The following COL6A1 variants were observed in gnomAD, a reference collection of about 807,000 sequenced individuals.
COL6A1 encodes collagen alpha-1(VI) chain.
A neutral mutation model predicts 145.6 loss-of-function variants in COL6A1; 80 were observed. The ratio of observed to expected loss-of-function variants is 0.55; its 90% CI spans 0.46 to 0.66. COL6A1 has a LOEUF of 0.66. Among genes scored for constraint, COL6A1 ranks in the 30% least tolerant of loss-of-function variants. The pLI is 0.00. For missense variants in COL6A1, 1,364 were observed against 1,473.8 expected (o/e 0.93, Z 1.22); for synonymous variants, 638 against 622.8 (o/e 1.02, Z -0.36).
In COL6A1 at chr21:45,994,775, C is replaced by A. The variant is rs1178022283; in HGVS notation, c.1398+546C>A. ...GTCTCTTCCCCCATTCTGATGACTGCCATGATGGTGGCTCCAGTGTGGTGT... is the reference window on the plus strand; with the variant it reads ...GTCTCTTCCCCCATTCTGATGACTGACATGATGGTGGCTCCAGTGTGGTGT... On this transcript the variant is annotated intron_variant, in intron 20 of 34. Coordinates refer to ENST00000361866, the MANE Select transcript of COL6A1 (RefSeq NM_001848.3). This position sits in a 1 kb window ranked among gnomAD's most constrained non-coding sequence, Gnocchi z 6.8. Among the ~76,000 whole-genome samples the A allele has an allele frequency of 6.6e-6, 1 of 152,238 alleles. No individual in the cohort carries two copies.
Position 45,992,790 on chromosome 21 carries a change from C to G in COL6A1, c.1315C>G (p.Arg439Gly). ...ERGPRGTPGT[R>G]GPRGDPGEAG... Reference sequence around the variant, plus strand: ...AGGACCACGGGGGACCCCAGGCACGCGGGGACCAAGAGGAGACCCTGTGAG... The same window carrying G: ...AGGACCACGGGGGACCCCAGGCACGGGGGGACCAAGAGGAGACCCTGTGAG... Residue 439 changes from arginine to glycine, a missense_variant, in exon 19 of 35, where the codon CGG becomes GGG. Arg to Gly is a moderately radical substitution (Grantham distance 125). Coordinates refer to ENST00000361866, the MANE Select transcript of COL6A1 (RefSeq NM_001848.3). 6.2e-7 allele frequency: 1 copy of G among 1,601,072 alleles called. No individual in the cohort carries two copies. Among genetic ancestry groups the G allele is most frequent in the Non-Finnish European group, 8.5e-7 (1 of 1,174,554 alleles).
intron 24 of COL6A1, 151 bp downstream of exon 24, chr21:45,998,584 C>G (rs900330145): frequency 9.7e-6 from 11 of 1,129,612 alleles, no homozygotes; most frequent in Non-Finnish European, 1.4e-5. Flanking sequence ...TCTGTGGCCA[C>G]AGCCCCAGTT....
At chr21:45,986,725 G>T in intron 4 of COL6A1, 40 bp downstream of exon 4, 1 of 1,538,292 alleles carries the variant, frequency 6.5e-7, no homozygotes, top group Non-Finnish European at 8.7e-7. Flanking sequence ...CCCAACCACA[G>T]GGAGTGGCGG....
chr21:45,992,287 G>T (rs2077781281), intron 17 of COL6A1, 70 bp downstream of exon 17: 1 of 1,613,548 alleles, frequency 6.2e-7, no homozygotes, highest in Non-Finnish European at 8.5e-7. Flanking sequence ...TTTGCTCGGG[G>T]TCTACTCCAC....
intron 19 of COL6A1, among the ~76,000 whole-genome samples, chr21:45,993,396 C>T (rs1260105144): frequency 1.3e-5 from 2 of 152,196 alleles, no homozygotes; most frequent in East Asian, 1.9e-4. Context: ...AGACTCCGGG[C>T]GTCTCAGTCC....
rs146191538 is a variant in COL6A1, at chr21:46,003,693, G to A, written c.2767G>A (p.Val923Met). The A allele has an allele frequency of 1.1e-5, 17 of 1,612,988 alleles. No homozygotes were observed. Among genetic ancestry groups the A allele is most frequent in the Non-Finnish European group, 1.1e-5 (13 of 1,179,960 alleles). The stretch of plus-strand genomic sequence containing the variant: ...CGACGTCAACGATGCCCTGGGCTAT[G>A]TGACCCGCTTCTACCGCGAGGCCTC... Reference protein sequence around the residue: ...ATDVNDALGYVTRFYREASSG... With the variant: ...ATDVNDALGYMTRFYREASSG... The change falls in exon 35 of 35, where the codon GTG becomes ATG. Residue 923 changes from valine (V) to methionine (M), a missense_variant. Physicochemically the swap from Val to Met is conservative, Grantham distance 21. Transcript: ENST00000361866.
Position 45,992,235 on chromosome 21 carries a change from A to G in COL6A1, c.1236+18A>G, listed in dbSNP as rs774725614. The G allele has an allele frequency of 1.2e-6, 2 of 1,613,582 alleles. No individual in the cohort carries two copies. The highest frequency in any genetic ancestry group is 1.1e-5 in the South Asian group (1 of 91,058). On this transcript the variant is annotated intron_variant, in intron 17 of 34. Coordinates refer to ENST00000361866, the MANE Select transcript of COL6A1 (RefSeq NM_001848.3). The stretch of plus-strand genomic sequence containing the variant: ...GCGACGAGGTGAGTGAGGGCTCCTG[A>G]CACCTTCCTGGGGAAGTGCATGGCC...
chr21:45,997,565 C>T (rs1160651906), intron 21 of COL6A1, 82 bp downstream of exon 21: 9 of 1,554,370 alleles, frequency 5.8e-6, no homozygotes, highest in Middle Eastern at 1.7e-4. Context: ...GTGCTGGCCC[C>T]GTGCCCTCTG....
intron 3 of COL6A1, 78 bp downstream of exon 3, chr21:45,984,547 C>G: frequency 7.1e-7 from 1 of 1,408,578 alleles, no homozygotes; most frequent in Non-Finnish European, 9.9e-7. Flanking sequence ...GCCTGGGGTC[C>G]CTGTGCGGCT....
intron 2 of COL6A1, among the ~76,000 whole-genome samples, 199 bp downstream of exon 2, chr21:45,982,962 G>A (rs577500874): frequency 6.6e-5 from 10 of 152,218 alleles, no homozygotes; most frequent in Non-Finnish European, 1.3e-4. Context: ...GCTGGTCTGA[G>A]CCTCTCCCAG....
At position 45,999,374 on chromosome 21, in the gene COL6A1, C is replaced by T. The variant is rs578072539; in HGVS notation, c.1740+156C>T. ...GGGAGGCCCTGGGGGTGGGAGGTGC[C>T]GGTCACCAGGGCCAGGTGGTGGCCA... On this transcript the variant is annotated intron_variant, in intron 26 of 34. Transcript: ENST00000361866. 4.9e-3 allele frequency: 4,014 copies of T among 825,598 alleles called. 27 individuals carry two copies. Among genetic ancestry groups the T allele is most frequent in the Middle Eastern group, 0.018 (51 of 2,864 alleles). The allele number at this position is 825,598 out of a possible 1,614,324, so 51.1% of individuals were successfully genotyped here.
In COL6A1 at chr21:46,002,260, G is replaced by A. The variant is rs760649238; in HGVS notation, c.2109G>A (p.Thr703=). The A allele has an allele frequency of 1.5e-5, 24 of 1,602,036 alleles. No individual in the cohort carries two copies. The highest frequency in any genetic ancestry group is 3.4e-4 in the Middle Eastern group (2 of 5,970). Residue 703 remains threonine, a synonymous_variant, in exon 32 of 35, where the codon ACG becomes ACA. Transcript: ENST00000361866. Reference sequence around the variant, plus strand: ...AGTGGATGGCGGGCGGCACCTTCACGGGGGAGGCCCTGCAGTACACGCGGG... The same window carrying A: ...AGTGGATGGCGGGCGGCACCTTCACAGGGGAGGCCCTGCAGTACACGCGGG... ...SLQWMAGGTF[T]GEALQYTRDQ... is the part of the protein sequence containing the mutation.
chr21:46,003,825 A>G lies in COL6A1; in HGVS notation c.2899A>G (p.Ile967Val), dbSNP rs777671647. The G allele has an allele frequency of 2.4e-5, 38 of 1,604,694 alleles. No individual in the cohort carries two copies. In the African/African-American group the frequency reaches 3.9e-4, roughly 16 times the overall value. ...KAVQEAQRAG[I>V]EIFVVVVGRQ... ...CGTGCAGGAAGCCCAGCGGGCAGGC[A>G]TCGAGATCTTCGTGGTGGTCGTGGG... Residue 967 changes from isoleucine (I) to valine (V), a missense_variant, in exon 35 of 35, where the codon ATC becomes GTC. By Grantham distance (29) the Ile-to-Val change is conservative. This residue lies in a region of COL6A1 where 938 missense variants were observed against 1,003.8 expected (regional missense o/e 0.93). Transcript: ENST00000361866.
At position 45,987,630 on chromosome 21, in the gene COL6A1, G is replaced by T. The variant is rs143396975; in HGVS notation, c.780G>T (p.Gly260=). 1 of 1,611,158 alleles carries T rather than the reference G, an allele frequency of 6.2e-7. No homozygotes were observed. The highest frequency in any genetic ancestry group is 1.1e-5 in the South Asian group (1 of 90,972). The part of the protein sequence containing the change: ...FECQPARGPP[G]LRGDPGFEGE... ...TGCAGCCTGCAAGAGGACCTCCGGG[G>T]CTCCGGGGCGACCCCGGCTTTGAGG... The change falls in exon 8 of 35, where the codon GGG becomes GGT. Residue 260 remains glycine (G), a synonymous_variant. Coordinates refer to ENST00000361866, the MANE Select transcript of COL6A1 (RefSeq NM_001848.3).
In COL6A1 at chr21:45,987,630, G is replaced by A. The variant is rs143396975; in HGVS notation, c.780G>A (p.Gly260=). ...TGCAGCCTGCAAGAGGACCTCCGGG[G>A]CTCCGGGGCGACCCCGGCTTTGAGG... ...FECQPARGPP[G]LRGDPGFEGE... is the part of the protein sequence containing the mutation. Residue 260 remains glycine, a synonymous_variant, in exon 8 of 35, where the codon GGG becomes GGA. Transcript: ENST00000361866. 208 of 1,611,040 alleles carry A rather than the reference G, an allele frequency of 1.3e-4. No individual in the cohort carries two copies. The highest frequency in any genetic ancestry group is 1.6e-4 in the Non-Finnish European group (191 of 1,179,404).
Position 45,987,337 on chromosome 21 carries a change from CGTGTCCACCTGT to C in COL6A1, c.739-156_739-145del. The C allele has an allele frequency of 2.7e-6, 4 of 1,455,362 alleles. No individual in the cohort carries two copies. In the South Asian group the frequency reaches 3.4e-5, roughly 12 times the overall value. The allele number at this position is 1,455,362 out of a possible 1,614,324, so 90.2% of individuals were successfully genotyped here. ...TGTGCCCGGGATGTGTGTCCCCCTG[CGTGTCCACCTGT>C]GTGTCTGCCCATGTGCCTGGGACAT... On this transcript the variant is annotated intron_variant, in intron 6 of 34. Transcript: ENST00000361866.
Position 45,999,151 on chromosome 21 carries a change from A to C in COL6A1, c.1675-2A>C. On this transcript the variant is annotated splice_acceptor_variant, in intron 25 of 34. Coordinates refer to ENST00000361866, the MANE Select transcript of COL6A1 (RefSeq NM_001848.3). LOFTEE classifies it high-confidence loss of function. ...TGTTGACACAACGCTGTTCCCTTCTAGAACAACGACATTGCACCCCGAGGA... is the reference window on the plus strand; with the variant it reads ...TGTTGACACAACGCTGTTCCCTTCTCGAACAACGACATTGCACCCCGAGGA... 1 of 1,597,360 alleles carries C rather than the reference A, an allele frequency of 6.3e-7. No homozygotes were observed. Among genetic ancestry groups the C allele is most frequent in the Non-Finnish European group, 8.5e-7 (1 of 1,172,822 alleles).
At chr21:45,989,016 C>G in intron 8 of COL6A1, 68 bp from the exon 9 acceptor site, 3 of 1,580,782 alleles carry the variant, frequency 1.9e-6, no homozygotes, top group Non-Finnish European at 2.6e-6. Flanking sequence ...TTTTAAAAAC[C>G]TGTTTCGTGA....
rs1246620126 is a variant in COL6A1 at position 45,999,177 on chromosome 21, G to A, written c.1699G>A (p.Val567Ile). ...DDNNDIAPRGVKGAKGYRGPE... is the reference protein window; with the variant it reads ...DDNNDIAPRGIKGAKGYRGPE... Reference sequence around the variant, plus strand: ...GAACAACGACATTGCACCCCGAGGAGTCAAAGGAGCAAAGGGGTACCGGGG... The same window carrying A: ...GAACAACGACATTGCACCCCGAGGAATCAAAGGAGCAAAGGGGTACCGGGG... Residue 567 changes from valine (V) to isoleucine (I), a missense_variant, in exon 26 of 35, where the codon GTC (valine) becomes ATC (isoleucine). By Grantham distance (29) the Val-to-Ile change is conservative. Coordinates refer to ENST00000361866, the MANE Select transcript of COL6A1 (RefSeq NM_001848.3). 5 of 1,603,034 alleles carry A rather than the reference G, an allele frequency of 3.1e-6. No individual in the cohort carries two copies. The highest frequency in any genetic ancestry group is 2.2e-5 in the East Asian group (1 of 44,518).
Sources: allele counts gnomAD v4.1 joint callset (sites outside exome capture counted in the v4.1 genomes callset), GRCh38; gene constraint gnomAD v4.1.1; regional missense constraint gnomAD v4.1.1; non-coding constraint Gnocchi (gnomAD v3.1); transcripts MANE v1.5; gene names NCBI Gene and HGNC (gene_info 2026-07-23, HGNC 2026-07-21).